Variants in NRG1 observed in about 807,000 individuals in gnomAD.
NRG1 encodes the protein neuregulin 1.
A neutral mutation model predicts 63.8 loss-of-function variants in NRG1; 18 were observed. That is an observed-to-expected ratio of 0.28 (90% CI 0.19 to 0.42). NRG1 has a LOEUF of 0.42. NRG1 is among the 10% of genes least tolerant of loss of function. NRG1 has a pLI of 1.00. For missense variants in NRG1, 762 were observed against 814.7 expected, an observed-to-expected ratio of 0.94 and a Z score of 0.79; for synonymous variants, 302 against 301.3, an observed-to-expected ratio of 1.00 and a Z score of -0.02.
At chr8:31,668,945 T>G (rs1287318609) in intron 1 of NRG1, among the ~76,000 whole-genome samples, 1 of 152,222 alleles carries the variant, frequency 6.6e-6, no homozygotes, top group Non-Finnish European at 1.5e-5. Context: ...GAATATTTGC[T>G]TATACATAAT....
intron 1 of NRG1, among the ~76,000 whole-genome samples, chr8:31,863,324 G>T (rs1185304546): frequency 6.6e-6 from 1 of 152,196 alleles, no homozygotes; most frequent in Non-Finnish European, 1.5e-5. Context: ...TCTATTAAAT[G>T]GGAACTACTA....
chr8:31,822,892 T>C (rs896964399), intron 1 of NRG1, among the ~76,000 whole-genome samples: 7 of 152,162 alleles, frequency 4.6e-5, no homozygotes, highest in Non-Finnish European at 8.8e-5. Context: ...ATATTTTCAT[T>C]GGTACCCAAG....
chr8:31,796,307 G>T (rs1370467620), intron 1 of NRG1, among the ~76,000 whole-genome samples: 2 of 149,562 alleles, frequency 1.3e-5, no homozygotes, highest in Non-Finnish European at 3.0e-5. Context: ...ATTCAGGTAG[G>T]ATATCTATCA....
chr8:31,816,111 T>G (rs534123454), intron 1 of NRG1, among the ~76,000 whole-genome samples: 5 of 152,360 alleles, frequency 3.3e-5, no homozygotes, highest in Admixed American at 1.3e-4. Flanking sequence ...AGCTACTTCT[T>G]CTTACCTTCG....
At chr8:31,933,205 A>T (rs1321721661) in intron 1 of NRG1, among the ~76,000 whole-genome samples, 1 of 152,170 alleles carries the variant, frequency 6.6e-6, no homozygotes, top group Non-Finnish European at 1.5e-5. Flanking sequence ...CATTTTTATA[A>T]ATCTCACAAT....
intron 1 of NRG1, among the ~76,000 whole-genome samples, chr8:32,039,030 T>A (rs1442012087): frequency 6.6e-6 from 1 of 152,302 alleles, no homozygotes; most frequent in Middle Eastern, 3.4e-3. Context: ...TGGAACTGTA[T>A]GGTTATATTC....
At chr8:32,462,789 A>G (rs1822489245) in intron 1 of NRG1, among the ~76,000 whole-genome samples, 1 of 151,794 alleles carries the variant, frequency 6.6e-6, no homozygotes, top group African/African-American at 2.4e-5. Context: ...TTTTGGGTAG[A>G]GACAGGGTTT....
At chr8:32,497,984 C>A (rs946314691) in intron 1 of NRG1, among the ~76,000 whole-genome samples, 2 of 151,980 alleles carry the variant, frequency 1.3e-5, no homozygotes, top group African/African-American at 2.4e-5. Flanking sequence ...TGACCATGCC[C>A]GGCTAATTTT....
At chr8:31,853,399 T>C (rs1219223234) in intron 1 of NRG1, among the ~76,000 whole-genome samples, 3 of 150,684 alleles carry the variant, frequency 2.0e-5, no homozygotes, top group Admixed American at 6.6e-5. Flanking sequence ...CACTCATGAT[T>C]TGGCTCTCTG....
rs114112899 is a variant in NRG1, at chr8:32,324,293, C to T, written c.38-271535C>T. Reference sequence around the variant, plus strand: ...GAAAGCAGGCTTATGCCCTGTAAGCCGGGGGTATCTCCAAATCGTGCAGGA... The same window carrying T: ...GAAAGCAGGCTTATGCCCTGTAAGCTGGGGGTATCTCCAAATCGTGCAGGA... On this transcript the variant is annotated intron_variant, in intron 1 of 10. Coordinates refer to the NRG1 transcript ENST00000519301. Among the ~76,000 whole-genome samples the T allele has an allele frequency of 8.5e-5, 13 of 152,246 alleles. No individual in the cohort carries two copies. In the East Asian group the frequency reaches 1.9e-3, roughly 23 times the overall value.
intron 1 of NRG1, among the ~76,000 whole-genome samples, chr8:32,105,410 C>T (rs1056316529): frequency 1.3e-5 from 2 of 152,148 alleles, no homozygotes; most frequent in African/African-American, 4.8e-5. Flanking sequence ...GAGAAGAGAA[C>T]TTGTGCAGGG....
intron 1 of NRG1, among the ~76,000 whole-genome samples, chr8:32,229,847 A>C (rs1472173873): frequency 1.3e-5 from 2 of 150,822 alleles, no homozygotes; most frequent in African/African-American, 4.9e-5. Context: ...ACATTTTTTC[A>C]TTTTTTTTTC....
chr8:31,836,066 G>A (rs999573654), intron 1 of NRG1, among the ~76,000 whole-genome samples: 1 of 152,174 alleles, frequency 6.6e-6, no homozygotes, highest in African/African-American at 2.4e-5. Context: ...GGACCTTAGA[G>A]TACATGTAAG....
At chr8:32,707,009 T>G (rs1428383047) in intron 5 of NRG1, among the ~76,000 whole-genome samples, 1 of 152,106 alleles carries the variant, frequency 6.6e-6, no homozygotes, top group African/African-American at 2.4e-5. Flanking sequence ...ATTTATTTTT[T>G]TAATTCCATT....
At chr8:31,784,071 A>T (rs1442768674) in intron 1 of NRG1, among the ~76,000 whole-genome samples, 1 of 152,182 alleles carries the variant, frequency 6.6e-6, no homozygotes, top group Non-Finnish European at 1.5e-5. Context: ...TGGGACTCAA[A>T]TTCAGATATG....
chr8:32,132,907 A>G (rs1835029436), intron 1 of NRG1, among the ~76,000 whole-genome samples: 3 of 152,094 alleles, frequency 2.0e-5, no homozygotes, highest in African/African-American at 7.2e-5. Context: ...ATTCTGCGGT[A>G]TATAAATGAG....
intron 1 of NRG1, among the ~76,000 whole-genome samples, chr8:32,077,251 C>T (rs1826713438): frequency 6.6e-6 from 1 of 152,128 alleles, no homozygotes; most frequent in Non-Finnish European, 1.5e-5. Context: ...CCTATAATCC[C>T]AGCTACTTGG....
intron 1 of NRG1, among the ~76,000 whole-genome samples, chr8:31,915,520 G>A (rs1253350228): frequency 6.6e-6 from 1 of 152,122 alleles, no homozygotes; most frequent in African/African-American, 2.4e-5. Context: ...TAGAAACTGA[G>A]TTATGTCTTA....
At chr8:32,716,839 T>C (rs1819363208) in intron 5 of NRG1, among the ~76,000 whole-genome samples, 1 of 151,830 alleles carries the variant, frequency 6.6e-6, no homozygotes, top group African/African-American at 2.4e-5. Context: ...TGTGTGTGTG[T>C]GTGCATAGCA....
Sources: allele counts gnomAD v4.1 joint callset (sites outside exome capture counted in the v4.1 genomes callset), GRCh38; gene constraint gnomAD v4.1.1; transcripts MANE v1.5; gene names NCBI Gene and HGNC (gene_info 2026-07-23, HGNC 2026-07-21).